The following RGS7 variants were observed in gnomAD, a reference collection of about 807,000 sequenced individuals.
RGS7 encodes the protein regulator of G-protein signaling 7.
A neutral mutation model predicts 81.1 loss-of-function variants in RGS7; 27 were observed. That is an observed-to-expected ratio of 0.33 (90% confidence interval 0.25 to 0.46). The LOEUF (loss-of-function observed/expected upper bound fraction) is 0.46. RGS7 is among the 20% of genes least tolerant of loss of function. The pLI, the probability that RGS7 is intolerant of heterozygous loss-of-function variation, is 1.00. For missense variants in RGS7, 396 were observed against 607.4 expected (o/e 0.65, Z 3.66); for synonymous variants, 208 against 207.7 (o/e 1.00, Z -0.01).
rs115837175 is a variant in RGS7 at position 241,259,243 on chromosome 1, T to A, written c.78+96456A>T. On this transcript the variant is annotated intron_variant, in intron 2 of 18. Coordinates refer to ENST00000440928, the MANE Select transcript of RGS7 (RefSeq NM_001364886.1). ...GCACTATACTAGCCGTGGTATTGATTAGGCATTATCCTATCTTCAAGAAGT... is the reference window on the plus strand; with the variant it reads ...GCACTATACTAGCCGTGGTATTGATAAGGCATTATCCTATCTTCAAGAAGT... 6.4e-3 allele frequency among the ~76,000 whole-genome samples: 978 copies of A among 152,270 alleles called. 3 individuals carry two copies. Among genetic ancestry groups the A allele is most frequent in the African/African-American group, 0.023 (944 of 41,560 alleles).
intron 4 of RGS7, among the ~76,000 whole-genome samples, chr1:240,973,924 C>G (rs1204976482): frequency 6.6e-6 from 1 of 152,154 alleles, no homozygotes; most frequent in Admixed American, 6.5e-5. Flanking sequence ...CCTCATGTTC[C>G]TAGGGCTGTA....
At chr1:241,116,571 T>C (rs1442456854) in intron 2 of RGS7, among the ~76,000 whole-genome samples, 2 of 151,966 alleles carry the variant, frequency 1.3e-5, no homozygotes, top group African/African-American at 4.8e-5. Flanking sequence ...ACTCCAAACT[T>C]ATGAAAAAAA....
intron 3 of RGS7, among the ~76,000 whole-genome samples, chr1:241,034,086 A>T (rs2060216240): frequency 6.6e-6 from 1 of 152,238 alleles, no homozygotes; most frequent in Non-Finnish European, 1.5e-5. Flanking sequence ...TACTTCAACA[A>T]ATATTGAATA....
intron 2 of RGS7, among the ~76,000 whole-genome samples, chr1:241,324,874 C>G (rs941347542): frequency 1.6e-4 from 24 of 152,276 alleles, no homozygotes; most frequent in African/African-American, 4.6e-4. Flanking sequence ...ATACTCTGAC[C>G]TAATGATTTT....
chr1:241,217,871 C>G (rs1345701477), intron 2 of RGS7, among the ~76,000 whole-genome samples: 1 of 152,178 alleles, frequency 6.6e-6, no homozygotes, highest in Admixed American at 6.5e-5. Flanking sequence ...GCAGGAGAAC[C>G]TTTCAGGAGG....
At chr1:241,160,976 T>C (rs79354063) in intron 2 of RGS7, among the ~76,000 whole-genome samples, 6,063 of 152,106 alleles carry the variant, frequency 0.04, 407 homozygotes, top group African/African-American at 0.14. Flanking sequence ...ACATTAATTA[T>C]TAGGTTGGGG....
chr1:241,272,486 A>G (rs2077969851), intron 2 of RGS7, among the ~76,000 whole-genome samples: 1 of 152,124 alleles, frequency 6.6e-6, no homozygotes, highest in African/African-American at 2.4e-5. Context: ...ATATTTTGTC[A>G]TGGCTTTTGA....
chr1:241,045,010 T>C (rs2060842004), intron 3 of RGS7, among the ~76,000 whole-genome samples: 1 of 152,326 alleles, frequency 6.6e-6, no homozygotes, highest in East Asian at 1.9e-4. Context: ...TACTTCGAGT[T>C]TCTAAAGAGC....
chr1:241,189,414 C>G (rs1018159722), intron 2 of RGS7, among the ~76,000 whole-genome samples: 2 of 152,160 alleles, frequency 1.3e-5, no homozygotes, highest in Admixed American at 1.3e-4. Flanking sequence ...ATTCTAGATA[C>G]TAGTCCTTTG....
chr1:240,949,283 T>C (rs912742703), intron 4 of RGS7, among the ~76,000 whole-genome samples: 2 of 152,208 alleles, frequency 1.3e-5, no homozygotes, highest in Non-Finnish European at 2.9e-5. Context: ...TTCAAATTCT[T>C]TGCTCCATTA....
At chr1:241,273,817 G>C (rs1270675152) in intron 2 of RGS7, among the ~76,000 whole-genome samples, 1 of 152,096 alleles carries the variant, frequency 6.6e-6, no homozygotes. Context: ...GGGTAAATTA[G>C]TTCAGCAAAG....
chr1:241,325,791 C>T (rs947547120), intron 2 of RGS7, among the ~76,000 whole-genome samples: 1 of 151,902 alleles, frequency 6.6e-6, no homozygotes, highest in Non-Finnish European at 1.5e-5. Context: ...TATTGAGACA[C>T]ATACAGAGGG....
At chr1:241,123,735 G>C (rs1326914212) in intron 2 of RGS7, among the ~76,000 whole-genome samples, 1 of 152,128 alleles carries the variant, frequency 6.6e-6, no homozygotes, top group Non-Finnish European at 1.5e-5. Flanking sequence ...TGAGCAACGA[G>C]AGTGAAACTC....
Position 240,933,302 on chromosome 1 carries a change from C to T in RGS7, c.334-2534G>A, listed in dbSNP as rs1185695408. 2.0e-5 allele frequency among the ~76,000 whole-genome samples: 3 copies of T among 152,022 alleles called. No individual in the cohort carries two copies. The East Asian group carries it at 5.8e-4, about 29-fold the overall frequency. ...GTGCAGGCATATCTATTTATCTAAC[C>T]TTAAAATACCTATTCTACTCAGACA... On this transcript the variant is annotated intron_variant, in intron 5 of 18. Coordinates refer to ENST00000440928, the MANE Select transcript of RGS7 (RefSeq NM_001364886.1).
intron 10 of RGS7, chr1:240,823,511 C>T (rs1415142400): frequency 1.7e-5 from 3 of 179,322 alleles, no homozygotes; most frequent in African/African-American, 2.4e-5. Context: ...ACGCGGTGCC[C>T]GGACCCTGGA....
chr1:241,045,991 C>A (rs2060904776), intron 3 of RGS7, among the ~76,000 whole-genome samples: 1 of 148,468 alleles, frequency 6.7e-6, no homozygotes, highest in South Asian at 2.1e-4. Context: ...ATGGAAAGTA[C>A]CTTTGGCATT....
Position 241,164,465 on chromosome 1 carries a change from C to T in RGS7, c.79-65703G>A, listed in dbSNP as rs1480975986. Among the ~76,000 whole-genome samples, 5 of 152,218 alleles carry T rather than the reference C, an allele frequency of 3.3e-5. No homozygotes were observed. Among genetic ancestry groups the T allele is most frequent in the African/African-American group, 1.2e-4 (5 of 41,540 alleles). On this transcript the variant is annotated intron_variant, in intron 2 of 18. Transcript: ENST00000440928. The surrounding 1 kb of genome is among the most constrained non-coding windows in gnomAD (Gnocchi z 4.1). ...CCTGAAGCCACCTAGGGACTGCCAGCCATCAGCCAACTCATTAGCATACAA... is the reference window on the plus strand; with the variant it reads ...CCTGAAGCCACCTAGGGACTGCCAGTCATCAGCCAACTCATTAGCATACAA...
chr1:241,274,057 T>C (rs2078063444), intron 2 of RGS7, among the ~76,000 whole-genome samples: 1 of 152,236 alleles, frequency 6.6e-6, no homozygotes, highest in African/African-American at 2.4e-5. Context: ...GTCTTGCCAC[T>C]TTCTGGAAAT....
At chr1:241,146,149 T>A (rs1020431527) in intron 2 of RGS7, among the ~76,000 whole-genome samples, 1 of 152,030 alleles carries the variant, frequency 6.6e-6, no homozygotes, top group Non-Finnish European at 1.5e-5. Context: ...CTGGCATCCA[T>A]GCATCCACGG....
Sources: allele counts gnomAD v4.1 joint callset (sites outside exome capture counted in the v4.1 genomes callset), GRCh38; gene constraint gnomAD v4.1.1; non-coding constraint Gnocchi (gnomAD v3.1); transcripts MANE v1.5; gene names NCBI Gene and HGNC (gene_info 2026-07-23, HGNC 2026-07-21).